COX7B2: variants seen among roughly 807,000 people sequenced by gnomAD.
COX7B2 encodes cytochrome c oxidase subunit 7B2, also known as cytochrome c oxidase subunit 7B2, mitochondrial.
For synonymous variants in COX7B2, 37 were observed against 32.1 expected, an observed-to-expected ratio of 1.15 and a Z score of -0.51; for missense variants, 109 against 95.9, an observed-to-expected ratio of 1.14 and a Z score of -0.57.
At chr4:46,777,681 A>C (rs1210750402) in intron 2 of COX7B2, among the ~76,000 whole-genome samples, 3 of 152,208 alleles carry the variant, frequency 2.0e-5, no homozygotes, top group African/African-American at 7.2e-5. Flanking sequence ...AGATAGCTTC[A>C]GTTTAAGAAA....
intron 2 of COX7B2, among the ~76,000 whole-genome samples, chr4:46,782,735 A>G (rs968883710): frequency 2.0e-5 from 3 of 152,204 alleles, no homozygotes; most frequent in African/African-American, 7.2e-5. Flanking sequence ...AGAACCCACC[A>G]GAATGAACAA....
rs559797663 is a variant in COX7B2, at chr4:46,866,239, G to C, written c.-104-21225C>G. ...AAGTATCCCCCCTTCTGGAAAATAG[G>C]AGCTGTCTGACCACTGCCATTGGAA... On this transcript the variant is annotated intron_variant, in intron 1 of 2. Transcript: ENST00000355591. Among the ~76,000 whole-genome samples the C allele has an allele frequency of 1.6e-4, 24 of 152,296 alleles. No individual in the cohort carries two copies. The Middle Eastern group carries it at 0.01, about 65-fold the overall frequency.
At position 46,877,276 on chromosome 4, in the gene COX7B2, G is replaced by A. The variant is rs1049982886; in HGVS notation, c.-105+31884C>T. Among the ~76,000 whole-genome samples the A allele has an allele frequency of 2.5e-4, 38 of 152,158 alleles. 1 individual carries two copies. The highest frequency in any genetic ancestry group is 9.2e-4 in the African/African-American group (38 of 41,428). On this transcript the variant is annotated intron_variant, in intron 1 of 2. Coordinates refer to ENST00000355591, the MANE Select transcript of COX7B2 (RefSeq NM_130902.3). ...TAGCTTGTTATGTGACTGAGCTGAG[G>A]TTTCATAGCCAAATTCAAGGACATC...
intron 2 of COX7B2, among the ~76,000 whole-genome samples, chr4:46,754,722 G>GTATATATATATATATATATA (rs1396491793): frequency 1.8e-4 from 6 of 34,120 alleles, no homozygotes; most frequent in African/African-American, 6.3e-4. Flanking sequence ...GTGTGTGTGT[G>GTATATATATATATATATATA]TGTGTGTATA....
intron 1 of COX7B2, among the ~76,000 whole-genome samples, chr4:46,894,969 A>C (rs1418801719): frequency 1.3e-5 from 2 of 152,176 alleles, no homozygotes; most frequent in African/African-American, 4.8e-5. Flanking sequence ...ATTTTTTTAA[A>C]GTTGAAAAAT....
At chr4:46,807,856 G>T (rs977036751) in intron 2 of COX7B2, among the ~76,000 whole-genome samples, 3 of 151,584 alleles carry the variant, frequency 2.0e-5, no homozygotes, top group Admixed American at 6.6e-5. Context: ...TATTTCTGGG[G>T]TCTCTATTCT....
chr4:46,902,124 A>C (rs1346192962), intron 1 of COX7B2, among the ~76,000 whole-genome samples: 1 of 152,152 alleles, frequency 6.6e-6, no homozygotes, highest in Non-Finnish European at 1.5e-5. Context: ...CCAATATTAT[A>C]CAGATCTTCC....
intron 2 of COX7B2, among the ~76,000 whole-genome samples, chr4:46,751,884 T>C (rs901493432): frequency 2.0e-5 from 3 of 150,924 alleles, no homozygotes; most frequent in African/African-American, 7.3e-5. Flanking sequence ...TGGCTTAGGA[T>C]TGACTTGGCA....
chr4:46,753,955 T>C (rs1304922521), intron 2 of COX7B2, among the ~76,000 whole-genome samples: 2 of 152,092 alleles, frequency 1.3e-5, no homozygotes, highest in East Asian at 3.9e-4. Flanking sequence ...AACAGACACA[T>C]GAAAAAATGC....
intron 2 of COX7B2, among the ~76,000 whole-genome samples, chr4:46,749,723 T>C (rs1715235504): frequency 6.6e-6 from 1 of 152,180 alleles, no homozygotes; most frequent in Non-Finnish European, 1.5e-5. Context: ...GAAATACTTT[T>C]TCACTGATGA....
At chr4:46,747,343 G>A (rs770216465) in intron 2 of COX7B2, among the ~76,000 whole-genome samples, 54 of 149,316 alleles carry the variant, frequency 3.6e-4, no homozygotes, top group Middle Eastern at 3.4e-3. Flanking sequence ...TCGCTCTGTC[G>A]CCCAGGCTGG....
At chr4:46,791,262 G>C (rs1262351055) in intron 2 of COX7B2, among the ~76,000 whole-genome samples, 1 of 151,820 alleles carries the variant, frequency 6.6e-6, no homozygotes, top group East Asian at 1.9e-4. Context: ...TCCCGCCTTG[G>C]CCTCCCAAAG....
intron 2 of COX7B2, among the ~76,000 whole-genome samples, chr4:46,799,492 T>G (rs1456724041): frequency 6.6e-6 from 1 of 152,196 alleles, no homozygotes; most frequent in Non-Finnish European, 1.5e-5. Flanking sequence ...GGCTGTGAGT[T>G]TGTCACAGAT....
At position 46,813,982 on chromosome 4, in the gene COX7B2, GAT is replaced by G. The variant is rs1298609284; in HGVS notation, c.-50+30976_-50+30977del. On this transcript the variant is annotated intron_variant, in intron 2 of 2. Coordinates refer to ENST00000355591, the MANE Select transcript of COX7B2 (RefSeq NM_130902.3). ...GAAATGAAAATCAAAACTGTAATGA[GAT>G]ATTATCTCATCCCCATTAAAAAGGC... Among the ~76,000 whole-genome samples the G allele has an allele frequency of 7.2e-5, 11 of 152,132 alleles. 1 individual carries two copies. Among genetic ancestry groups the G allele is most frequent in the African/African-American group, 1.7e-4 (7 of 41,448 alleles).
At chr4:46,791,284 C>T (rs1486161461) in intron 2 of COX7B2, among the ~76,000 whole-genome samples, 1 of 151,998 alleles carries the variant, frequency 6.6e-6, no homozygotes, top group Non-Finnish European at 1.5e-5. Flanking sequence ...GCTGGGATTA[C>T]AGGCGTGAGC....
intron 1 of COX7B2, among the ~76,000 whole-genome samples, chr4:46,853,709 T>C (rs780049902): frequency 4.6e-5 from 7 of 152,116 alleles, no homozygotes; most frequent in Non-Finnish European, 7.4e-5. Context: ...GTATTTGTTT[T>C]AACTGTTTGT....
intron 2 of COX7B2, among the ~76,000 whole-genome samples, chr4:46,818,636 C>CAAAA (rs35687430): frequency 1.8e-5 from 2 of 110,830 alleles, no homozygotes; most frequent in African/African-American, 3.2e-5. Flanking sequence ...GACTCTGTCT[C>CAAAA]AAAAAAAAAA....
At chr4:46,804,820 C>T (rs1039877581) in intron 2 of COX7B2, among the ~76,000 whole-genome samples, 3 of 152,250 alleles carry the variant, frequency 2.0e-5, no homozygotes, top group Non-Finnish European at 4.4e-5. Flanking sequence ...AGTCCTGTGC[C>T]GTGTGCCTGC....
intron 2 of COX7B2, among the ~76,000 whole-genome samples, chr4:46,786,288 A>C (rs537233291): frequency 1.3e-5 from 2 of 152,328 alleles, no homozygotes; most frequent in South Asian, 4.1e-4. Flanking sequence ...AATTCTGATG[A>C]TACTCATGTA....
Sources: allele counts gnomAD v4.1 joint callset (sites outside exome capture counted in the v4.1 genomes callset), GRCh38; gene constraint gnomAD v4.1.1; transcripts MANE v1.5; gene names NCBI Gene and HGNC (gene_info 2026-07-23, HGNC 2026-07-21).